SLC4A7: variants seen among roughly 807,000 people sequenced by gnomAD.
SLC4A7 encodes sodium bicarbonate cotransporter 3.
A neutral mutation model predicts 137.6 loss-of-function variants in SLC4A7; 51 were observed. The observed-to-expected ratio is 0.37, with a 90% CI of 0.30 to 0.47. The LOEUF (loss-of-function observed/expected upper bound fraction) is 0.47, where lower values mean the gene tolerates loss of function less well. SLC4A7 is among the 20% of genes least tolerant of loss of function. The probability of loss-of-function intolerance (pLI) is 1.00; values close to 1 mark genes in which losing one functional copy is unlikely to be tolerated. For missense variants in SLC4A7, 1,247 were observed against 1,525.4 expected, an observed-to-expected ratio of 0.82 and a Z score of 3.04; for synonymous variants, 542 against 518.6, an observed-to-expected ratio of 1.05 and a Z score of -0.61.
chr3:27,478,947 G>A (rs376887088), intron 1 of SLC4A7, among the ~76,000 whole-genome samples: 52 of 151,812 alleles, frequency 3.4e-4, no homozygotes, highest in African/African-American at 1.2e-3. Flanking sequence ...GGAGGTTGCC[G>A]TGAGTCGAGA....
intron 11 of SLC4A7, 31 bp from the exon 12 acceptor site, chr3:27,411,779 A>G (rs772377110): frequency 2.3e-6 from 3 of 1,291,608 alleles, no homozygotes; most frequent in East Asian, 5.2e-5. Flanking sequence ...TATTTTCAGA[A>G]TTCTATTTTA....
At chr3:27,476,458 A>G (rs1200483108) in intron 1 of SLC4A7, among the ~76,000 whole-genome samples, 1 of 152,214 alleles carries the variant, frequency 6.6e-6, no homozygotes, top group Non-Finnish European at 1.5e-5. Context: ...TTACTTGACT[A>G]AACAACTAAC....
intron 22 of SLC4A7, among the ~76,000 whole-genome samples, chr3:27,388,768 A>G (rs1025849883): frequency 6.6e-5 from 10 of 152,162 alleles, no homozygotes; most frequent in African/African-American, 2.4e-4. Flanking sequence ...AATGTCAAAT[A>G]AAAAATAATT....
chr3:27,456,887 G>T, intron 1 of SLC4A7: 1 of 1,359,562 alleles, frequency 7.4e-7, no homozygotes, highest in African/African-American at 1.5e-5. Flanking sequence ...CAGGGTCACA[G>T]CATAACAGAT....
At position 27,402,754 on chromosome 3, in the gene SLC4A7, T is replaced by C. The variant is rs1357868398; in HGVS notation, c.2321+385A>G. On this transcript the variant is annotated intron_variant, in intron 15 of 25. Transcript: ENST00000454389. Reference sequence around the variant, plus strand: ...TAATGAAGATGCAAAATTTGAAAAATATATAAAAAAAAGTCTACATTCTAT... The same window carrying C: ...TAATGAAGATGCAAAATTTGAAAAACATATAAAAAAAAGTCTACATTCTAT... Among the ~76,000 whole-genome samples, 9 of 150,822 alleles carry C rather than the reference T, an allele frequency of 6.0e-5. No individual in the cohort carries two copies. The South Asian group carries it at 1.2e-3, about 21-fold the overall frequency.
chr3:27,435,931 C>G (rs1328488459), intron 5 of SLC4A7, among the ~76,000 whole-genome samples: 2 of 152,194 alleles, frequency 1.3e-5, no homozygotes, highest in East Asian at 3.8e-4. Context: ...CCTAACACTA[C>G]TGAAGAAATC....
intron 13 of SLC4A7, among the ~76,000 whole-genome samples, chr3:27,405,854 G>C (rs922271632): frequency 6.6e-6 from 1 of 152,024 alleles, no homozygotes; most frequent in African/African-American, 2.4e-5. Context: ...AAGACTAAGA[G>C]AATTTAAATC....
At chr3:27,468,709 G>A (rs575547553) in intron 1 of SLC4A7, among the ~76,000 whole-genome samples, 11 of 152,122 alleles carry the variant, frequency 7.2e-5, no homozygotes, top group African/African-American at 2.4e-4. Flanking sequence ...CTGTAGAATG[G>A]GGATAACAAT....
intron 5 of SLC4A7, among the ~76,000 whole-genome samples, chr3:27,434,990 T>A (rs958688026): frequency 6.6e-6 from 1 of 152,184 alleles, no homozygotes; most frequent in African/African-American, 2.4e-5. Flanking sequence ...GAAACCCATA[T>A]GTATTATACA....
intron 1 of SLC4A7, among the ~76,000 whole-genome samples, chr3:27,477,296 CAGCTAACTTTTTAGAGA>C (rs1257334101): frequency 6.6e-6 from 1 of 152,206 alleles, no homozygotes; most frequent in Non-Finnish European, 1.5e-5. Context: ...TGGTGAACAG[CAGCTAACTTTTTAGAGA>C]AAGCCTGCTC....
chr3:27,390,391 C>T (rs1240243739), intron 21 of SLC4A7: 1 of 256,024 alleles, frequency 3.9e-6, no homozygotes, highest in African/African-American at 2.2e-5. Context: ...TCTAGATAAA[C>T]TTATCTGCTA....
chr3:27,433,825 G>GT, intron 6 of SLC4A7, 91 bp downstream of exon 6: 1 of 1,133,692 alleles, frequency 8.8e-7, no homozygotes. Flanking sequence ...TATAGTGAGT[G>GT]TTTAAATATC....
rs542874508 is a variant in SLC4A7 at position 27,383,779 on chromosome 3, A to C, written c.3493-529T>G. Among the ~76,000 whole-genome samples, 4 of 152,294 alleles carry C rather than the reference A, an allele frequency of 2.6e-5. No individual in the cohort carries two copies. The South Asian group carries it at 8.3e-4, about 32-fold the overall frequency. ...TATAACAATCAAAAATATCTCAGAA[A>C]TTGAAATACTCTCGGCAATGTCTCA... On this transcript the variant is annotated intron_variant, in intron 23 of 25. Transcript: ENST00000454389.
chr3:27,376,050 C>G lies in SLC4A7; in HGVS notation c.*714G>C, dbSNP rs1246742754. 2 of 151,968 alleles carry G rather than the reference C, an allele frequency of 1.3e-5. No individual in the cohort carries two copies. The highest frequency in any genetic ancestry group is 4.8e-5 in the African/African-American group (2 of 41,410). 9.4% of individuals were successfully genotyped at this position (151,968 alleles called of 1,614,324 possible). On this transcript the variant is annotated 3_prime_UTR_variant, in exon 26 of 26. Transcript: ENST00000454389. ...ACTATTGCAAACTGGCATTGTATAA[C>G]TTTTTAAATTCAGAAGTTATAAATG...
intron 7 of SLC4A7, among the ~76,000 whole-genome samples, chr3:27,430,181 T>C (rs187260761): frequency 6.6e-6 from 1 of 152,026 alleles, no homozygotes; most frequent in African/African-American, 2.4e-5. Context: ...TGCAGTGAGC[T>C]ATGATTGTGG....
At chr3:27,447,125 A>T (rs924144024) in intron 3 of SLC4A7, among the ~76,000 whole-genome samples, 5 of 150,238 alleles carry the variant, frequency 3.3e-5, no homozygotes, top group Non-Finnish European at 5.9e-5. Flanking sequence ...TGACCTCGTG[A>T]TCCACCTGCC....
chr3:27,459,399 C>T (rs1211479045), intron 1 of SLC4A7, among the ~76,000 whole-genome samples: 2 of 147,240 alleles, frequency 1.4e-5, no homozygotes, highest in Non-Finnish European at 3.1e-5. Flanking sequence ...TAGTTTAATA[C>T]ATTATTTGAT....
At chr3:27,481,151 GA>G (rs984352095) in intron 1 of SLC4A7, among the ~76,000 whole-genome samples, 1 of 152,064 alleles carries the variant, frequency 6.6e-6, no homozygotes, top group East Asian at 1.9e-4. Context: ...ACCTATACTG[GA>G]AAATAAGACT....
rs1051545 is a variant in SLC4A7 at position 27,375,508 on chromosome 3, T to C, written c.*1256A>G. On this transcript the variant is annotated 3_prime_UTR_variant, in exon 26 of 26. Coordinates refer to ENST00000454389, the MANE Select transcript of SLC4A7 (RefSeq NM_001321103.2). ...AAAACTAATACACAAAATAAAAATGTCATTAATCTGAGCTACATATAAAAT... is the reference window on the plus strand; with the variant it reads ...AAAACTAATACACAAAATAAAAATGCCATTAATCTGAGCTACATATAAAAT... 67,291 of 152,114 alleles carry C rather than the reference T, an allele frequency of 0.44. 15,355 individuals carry two copies. The highest frequency in any genetic ancestry group is 0.57 in the Middle Eastern group (167 of 292). 9.4% of individuals were successfully genotyped at this position (152,114 alleles called of 1,614,324 possible).
Sources: allele counts gnomAD v4.1 joint callset (sites outside exome capture counted in the v4.1 genomes callset), GRCh38; gene constraint gnomAD v4.1.1; transcripts MANE v1.5; gene names NCBI Gene and HGNC (gene_info 2026-07-23, HGNC 2026-07-21).